Variants in TMTC1 observed in about 807,000 individuals in gnomAD.
TMTC1 encodes the protein protein O-mannosyl-transferase TMTC1.
A neutral mutation model predicts 104.8 loss-of-function variants in TMTC1; 73 were observed. The ratio of observed to expected loss-of-function variants is 0.70; its 90% CI spans 0.58 to 0.85. The LOEUF (loss-of-function observed/expected upper bound fraction) is 0.85. TMTC1 is among the 40% of genes least tolerant of loss of function. TMTC1 has a pLI of 0.00. For missense variants in TMTC1, 1,035 were observed against 1,096.1 expected, an observed-to-expected ratio of 0.94 and a Z score of 0.79; for synonymous variants, 434 against 428.7, an observed-to-expected ratio of 1.01 and a Z score of -0.15.
rs780161794 is a variant in TMTC1 at position 29,650,804 on chromosome 12, G to A, written c.939-17468C>T. 3.3e-5 allele frequency among the ~76,000 whole-genome samples: 5 copies of A among 152,200 alleles called. No individual in the cohort carries two copies. In the East Asian group the frequency reaches 5.8e-4, roughly 18 times the overall value. On this transcript the variant is annotated intron_variant, in intron 5 of 17. Coordinates refer to ENST00000539277, the MANE Select transcript of TMTC1 (RefSeq NM_001193451.2). ...GAGATCTGCAAGGGCCCAGGATTCC[G>A]AGGCGTTCAGTTCTGGTGGTTCATG... is the stretch of plus-strand genomic sequence containing the variant.
intron 10 of TMTC1, among the ~76,000 whole-genome samples, chr12:29,537,764 G>A (rs184779486): frequency 6.9e-4 from 105 of 152,136 alleles, no homozygotes; most frequent in African/African-American, 1.7e-3. Context: ...CCCACGCCCC[G>A]GCCCTACAGC....
chr12:29,604,984 A>G (rs1326628423), intron 6 of TMTC1, among the ~76,000 whole-genome samples: 1 of 152,138 alleles, frequency 6.6e-6, no homozygotes, highest in Non-Finnish European at 1.5e-5. Context: ...TTTTTATGTC[A>G]CTTATAATTA....
intron 10 of TMTC1, among the ~76,000 whole-genome samples, chr12:29,545,783 G>C (rs1204031446): frequency 6.6e-6 from 1 of 151,994 alleles, no homozygotes; most frequent in Non-Finnish European, 1.5e-5. Flanking sequence ...TTATACCAAG[G>C]ACCTGAGTTT....
At chr12:29,768,167 A>G in intron 1 of TMTC1, 92 bp from the exon 2 acceptor site, 1 of 950,624 alleles carries the variant, frequency 1.1e-6, no homozygotes, top group Admixed American at 2.9e-5. Flanking sequence ...ATTTAAAAAG[A>G]TAAGCTATTA....
At chr12:29,685,539 G>A (rs1042866714) in intron 5 of TMTC1, among the ~76,000 whole-genome samples, 1 of 151,626 alleles carries the variant, frequency 6.6e-6, no homozygotes, top group African/African-American at 2.4e-5. Flanking sequence ...ATATACCTAT[G>A]GTTCTAAAAC....
At chr12:29,590,475 T>TC (rs1946251069) in intron 7 of TMTC1, among the ~76,000 whole-genome samples, 1 of 152,070 alleles carries the variant, frequency 6.6e-6, no homozygotes. Flanking sequence ...CCACTCCCTG[T>TC]CCCCCCTTTG....
rs769910205 is a variant in TMTC1 at position 29,506,948 on chromosome 12, G to A, written c.2547C>T (p.Ala849=). The A allele has an allele frequency of 6.2e-7, 1 of 1,613,928 alleles. No individual in the cohort carries two copies. Among genetic ancestry groups the A allele is most frequent in the African/African-American group, 1.3e-5 (1 of 75,020 alleles). The change falls in exon 18 of 18, where the codon GCC becomes GCT. Residue 849 remains alanine (A), a synonymous_variant. Coordinates refer to ENST00000539277, the MANE Select transcript of TMTC1 (RefSeq NM_001193451.2). ...GTTTGCTGTCTGGAACCAGCTGTAA[G>A]GCTCTCTCATAATAAGCTCTTGCAG... ...YVSARAYYER[A]LQLVPDSKLL...
rs376123156 is a variant in TMTC1 at position 29,506,826 on chromosome 12, G to A, written c.*20C>T. 3 of 1,613,748 alleles carry A rather than the reference G, an allele frequency of 1.9e-6. No homozygotes were observed. In the African/African-American group the frequency reaches 4.0e-5, roughly 22 times the overall value. On this transcript the variant is annotated 3_prime_UTR_variant, in exon 18 of 18. Transcript: ENST00000539277. Reference sequence around the variant, plus strand: ...TCAGAGGCACCACATTATCCTATGAGGTTGGGTCAGACGGTGGTGCTATGT... The same window carrying A: ...TCAGAGGCACCACATTATCCTATGAAGTTGGGTCAGACGGTGGTGCTATGT...
intron 9 of TMTC1, among the ~76,000 whole-genome samples, chr12:29,566,467 G>C (rs1055571756): frequency 6.6e-6 from 1 of 152,120 alleles, no homozygotes; most frequent in East Asian, 1.9e-4. Flanking sequence ...GGCTCCAGCG[G>C]GGCTGGTCTT....
At chr12:29,557,802 A>T (rs1945283861) in intron 9 of TMTC1, among the ~76,000 whole-genome samples, 1 of 152,214 alleles carries the variant, frequency 6.6e-6, no homozygotes. Context: ...CTGAGAAAGG[A>T]TGATATATAA....
chr12:29,642,696 T>C (rs903382779), intron 5 of TMTC1, among the ~76,000 whole-genome samples: 1 of 151,526 alleles, frequency 6.6e-6, no homozygotes, highest in Non-Finnish European at 1.5e-5. Context: ...GAGGCCGAGG[T>C]GGGTGGATCA....
At chr12:29,552,009 C>T (rs1295750229) in intron 10 of TMTC1, among the ~76,000 whole-genome samples, 1 of 152,158 alleles carries the variant, frequency 6.6e-6, no homozygotes, top group African/African-American at 2.4e-5. Flanking sequence ...ATGAATGGGT[C>T]TGAAGCCGTC....
intron 14 of TMTC1, among the ~76,000 whole-genome samples, chr12:29,516,937 T>C (rs544062572): frequency 6.6e-6 from 1 of 152,344 alleles, no homozygotes; most frequent in South Asian, 2.1e-4. Flanking sequence ...ACACTGTGGT[T>C]ATGTTAGAGA....
At chr12:29,727,545 T>A (rs1333465552) in intron 5 of TMTC1, among the ~76,000 whole-genome samples, 1 of 151,758 alleles carries the variant, frequency 6.6e-6, no homozygotes, top group Non-Finnish European at 1.5e-5. Flanking sequence ...CCTGGCTAAT[T>A]TTTTGTATTT....
At chr12:29,530,044 G>A (rs1417426468) in intron 11 of TMTC1, 3 of 152,166 alleles carry the variant, frequency 2.0e-5, no homozygotes, top group Non-Finnish European at 4.4e-5. Flanking sequence ...GCATATAATT[G>A]CAGCTTCCTG....
intron 5 of TMTC1, among the ~76,000 whole-genome samples, chr12:29,664,993 A>G (rs1348565908): frequency 6.6e-6 from 1 of 152,206 alleles, no homozygotes; most frequent in African/African-American, 2.4e-5. Context: ...GATGTAAAAT[A>G]AATCTACCTG....
intron 17 of TMTC1, among the ~76,000 whole-genome samples, chr12:29,510,878 G>C (rs1165078377): frequency 1.3e-5 from 2 of 152,094 alleles, no homozygotes; most frequent in South Asian, 2.1e-4. Context: ...CTCCTTGAAG[G>C]CTGCATGATC....
At chr12:29,517,806 C>T (rs1419191618) in intron 13 of TMTC1, among the ~76,000 whole-genome samples, 1 of 152,098 alleles carries the variant, frequency 6.6e-6, no homozygotes, top group East Asian at 1.9e-4. Flanking sequence ...CCTCCACCTC[C>T]CAGGTTCAAG....
chr12:29,621,747 GA>G (rs1015980367), intron 6 of TMTC1, among the ~76,000 whole-genome samples: 3 of 152,160 alleles, frequency 2.0e-5, no homozygotes, highest in African/African-American at 7.2e-5. Context: ...TGAGTAGGTT[GA>G]TGGGGTCTGT....
Sources: gnomAD v4.1 joint callset for allele counts (sites outside exome capture counted in the v4.1 genomes callset) on GRCh38, gnomAD v4.1.1 for gene constraint, MANE v1.5 for transcripts, NCBI Gene and HGNC (gene_info 2026-07-23, HGNC 2026-07-21) for gene names.